Variants in MPDZ observed in about 807,000 individuals in gnomAD.
MPDZ encodes the protein multiple PDZ domain protein.
A neutral mutation model predicts 239.1 loss-of-function variants in MPDZ; 234 were observed. That is an observed-to-expected ratio of 0.98 (90% CI 0.88 to 1.09). MPDZ has a LOEUF of 1.09. MPDZ is among the 50% of genes least tolerant of loss of function. MPDZ has a pLI of 0.00. For missense variants in MPDZ, 3,175 were observed against 2,510.0 expected (o/e 1.26, Z -5.66); for synonymous variants, 1,048 against 881.3 (o/e 1.19, Z -3.35).
intron 46 of MPDZ, among the ~76,000 whole-genome samples, chr9:13,108,453 C>T (rs1331213302): frequency 2.6e-5 from 4 of 151,924 alleles, no homozygotes; most frequent in Non-Finnish European, 4.4e-5. Context: ...TACATTTTTT[C>T]AGTAGTTATT....
chr9:13,209,033 T>C (rs1957318515), intron 10 of MPDZ, among the ~76,000 whole-genome samples: 3 of 152,124 alleles, frequency 2.0e-5, no homozygotes, highest in African/African-American at 7.2e-5. Context: ...GGTCTGCGCA[T>C]GGCCAGATCA....
At position 13,125,166 on chromosome 9, in the gene MPDZ, A is replaced by T. The variant is rs1322478715; in HGVS notation, c.4807+50T>A. Reference sequence around the variant, plus strand: ...GCTCCCAAGCAGAAACCCTCTGCTGAGTTCAGGTGTTCCATATGTGCAGGA... The same window carrying T: ...GCTCCCAAGCAGAAACCCTCTGCTGTGTTCAGGTGTTCCATATGTGCAGGA... On this transcript the variant is annotated intron_variant, in intron 35 of 46. Transcript: ENST00000319217. 9.6e-6 allele frequency: 14 copies of T among 1,459,068 alleles called. 1 individual carries two copies. In the South Asian group the frequency reaches 1.5e-4, roughly 16 times the overall value. The allele number at this position is 1,459,068 out of a possible 1,614,324, so 90.4% of individuals were successfully genotyped here. A position where few individuals can be genotyped will look rare whatever the true frequency, so the allele number is the denominator to read the frequency against.
chr9:13,139,790 G>A (rs753801093), intron 28 of MPDZ, 197 bp downstream of exon 28: 27 of 636,684 alleles, frequency 4.2e-5, no homozygotes, highest in Non-Finnish European at 7.5e-5. Flanking sequence ...ACTTTTAAAG[G>A]AAAGGAAGAG....
At chr9:13,112,884 G>C (rs1167841181) in intron 42 of MPDZ, 127 bp downstream of exon 42, 2 of 891,612 alleles carry the variant, frequency 2.2e-6, no homozygotes, top group Non-Finnish European at 3.5e-6. Flanking sequence ...TATTTCACAT[G>C]TAATATGTAA....
intron 1 of MPDZ, among the ~76,000 whole-genome samples, chr9:13,261,638 A>G (rs887618778): frequency 4.6e-5 from 7 of 152,170 alleles, no homozygotes; most frequent in Admixed American, 4.6e-4. Flanking sequence ...GGAAGCTCCT[A>G]CACTTGATGG....
intron 43 of MPDZ, among the ~76,000 whole-genome samples, chr9:13,111,058 G>T (rs1011514031): frequency 1.3e-5 from 2 of 152,184 alleles, no homozygotes; most frequent in Non-Finnish European, 2.9e-5. Flanking sequence ...CTATCATTTG[G>T]AAACTGAAAT....
At chr9:13,114,765 T>A (rs1447240911) in intron 40 of MPDZ, among the ~76,000 whole-genome samples, 1 of 151,900 alleles carries the variant, frequency 6.6e-6, no homozygotes, top group Non-Finnish European at 1.5e-5. Context: ...CCAGGCATGG[T>A]GGTGCACGCC....
At chr9:13,126,254 G>C (rs1945096680) in intron 34 of MPDZ, among the ~76,000 whole-genome samples, 1 of 152,170 alleles carries the variant, frequency 6.6e-6, no homozygotes, top group Non-Finnish European at 1.5e-5. Flanking sequence ...GGAGTTTAAA[G>C]TTTTCCTAAG....
chr9:13,248,966 G>A (rs1967086788), intron 2 of MPDZ, among the ~76,000 whole-genome samples: 1 of 55,666 alleles, frequency 1.8e-5, no homozygotes. Context: ...GAGTGAGTGA[G>A]ACTCCATCTC....
chr9:13,272,022 G>A (rs1481371437), intron 1 of MPDZ, among the ~76,000 whole-genome samples: 1 of 152,142 alleles, frequency 6.6e-6, no homozygotes, highest in Non-Finnish European at 1.5e-5. Context: ...CAAGATGCAT[G>A]AGGAAACTTT....
chr9:13,166,607 G>T (rs1193603180), intron 22 of MPDZ, among the ~76,000 whole-genome samples: 1 of 152,042 alleles, frequency 6.6e-6, no homozygotes, highest in Non-Finnish European at 1.5e-5. Flanking sequence ...GAGGAGGGAA[G>T]GTTGTACGAT....
chr9:13,163,656 C>T (rs557331131), intron 22 of MPDZ, among the ~76,000 whole-genome samples: 7 of 152,222 alleles, frequency 4.6e-5, no homozygotes, highest in African/African-American at 1.7e-4. Context: ...AAGAGAAATA[C>T]TGTATCTGAA....
At chr9:13,206,132 T>C in intron 10 of MPDZ, 33 bp from the exon 11 acceptor site, 1 of 1,530,862 alleles carries the variant, frequency 6.5e-7, no homozygotes, top group African/African-American at 1.4e-5. Flanking sequence ...GCATGTTACA[T>C]GTTAAATAAA....
Position 13,206,204 on chromosome 9 carries a change from G to C in MPDZ, c.1291-105C>G, listed in dbSNP as rs571373872. 73 of 1,078,426 alleles carry C rather than the reference G, an allele frequency of 6.8e-5. 1 individual carries two copies. The African/African-American group carries it at 1.0e-3, about 15-fold the overall frequency. 66.8% of individuals were successfully genotyped at this position (1,078,426 alleles called of 1,614,324 possible). On this transcript the variant is annotated intron_variant, in intron 10 of 46. Transcript: ENST00000319217. Reference sequence around the variant, plus strand: ...TATAGTTGTTAGTGTGAAAAGAATGGAGAATAAGTATTCACCTTATCAGGG... The same window carrying C: ...TATAGTTGTTAGTGTGAAAAGAATGCAGAATAAGTATTCACCTTATCAGGG...
rs192371809 is a variant in MPDZ at position 13,192,374 on chromosome 9, T to C, written c.1804-79A>G. On this transcript the variant is annotated intron_variant, in intron 14 of 46. Coordinates refer to ENST00000319217, the MANE Select transcript of MPDZ (RefSeq NM_001378778.1). ...TTTTGAACACAATTTTTTTATTAAA[T>C]ATAAATTTTACTATAGTCATTACCA... The C allele has an allele frequency of 2.9e-4, 375 of 1,294,990 alleles. 1 individual carries two copies. The Admixed American group carries it at 4.3e-3, about 15-fold the overall frequency. 80.2% of individuals were successfully genotyped at this position (1,294,990 alleles called of 1,614,324 possible).
At chr9:13,233,466 T>C (rs1474373932) in intron 3 of MPDZ, among the ~76,000 whole-genome samples, 1 of 152,148 alleles carries the variant, frequency 6.6e-6, no homozygotes, top group African/African-American at 2.4e-5. Flanking sequence ...AATACTTATC[T>C]CCGAGATAAA....
intron 23 of MPDZ, among the ~76,000 whole-genome samples, chr9:13,162,278 G>GA (rs1950580800): frequency 6.8e-6 from 1 of 146,214 alleles, no homozygotes; most frequent in Non-Finnish European, 1.5e-5. Context: ...AAAAAAAAAA[G>GA]AAAAAAATTC....
chr9:13,269,015 T>TA lies in MPDZ; in HGVS notation c.-58+10384dup, dbSNP rs534111066. 2.0e-3 allele frequency among the ~76,000 whole-genome samples: 305 copies of TA among 151,990 alleles called. 4 individuals are homozygous for TA. Among genetic ancestry groups the TA allele is most frequent in the African/African-American group, 6.6e-3 (274 of 41,426 alleles). On this transcript the variant is annotated intron_variant, in intron 1 of 46. Coordinates refer to ENST00000319217, the MANE Select transcript of MPDZ (RefSeq NM_001378778.1). ...ATAATACAACCAGATGTTAGGTTGTTAAAAAAACCTCATAGAAAAAGATGA... is the reference window on the plus strand; with the variant it reads ...ATAATACAACCAGATGTTAGGTTGTTAAAAAAAACCTCATAGAAAAAGATGA...
chr9:13,193,284 G>A lies in MPDZ; in HGVS notation c.1686C>T (p.Asn562=). The A allele has an allele frequency of 1.2e-6, 2 of 1,609,606 alleles. No individual in the cohort carries two copies. The highest frequency in any genetic ancestry group is 1.7e-6 in the Non-Finnish European group (2 of 1,177,768). The change falls in exon 14 of 47, where the codon AAC becomes AAT. Residue 562 remains asparagine (N), a synonymous_variant. Transcript: ENST00000319217. ...VVAHVSKFSE[N]SGLGISLEAT... ...CTTCCAGGCTTATCCCCAATCCACT[G>A]TTCTCACTAAACTTGCTCACATGGG...
Sources: gnomAD v4.1 joint callset for allele counts (sites outside exome capture counted in the v4.1 genomes callset) on GRCh38, gnomAD v4.1.1 for gene constraint, MANE v1.5 for transcripts, NCBI Gene and HGNC (gene_info 2026-07-23, HGNC 2026-07-21) for gene names.